PAG1: variants seen among roughly 807,000 people sequenced by gnomAD.
The protein encoded by PAG1 is phosphoprotein membrane anchor with glycosphingolipid microdomains 1, also known as phosphoprotein associated with glycosphingolipid-enriched microdomains 1.
Under a neutral mutation model 31.7 loss-of-function variants are expected in PAG1, and 23 were observed. That is an observed-to-expected ratio of 0.73 (90% confidence interval 0.52 to 1.03). PAG1 has a LOEUF of 1.03. PAG1 is among the 50% of genes least tolerant of loss of function. The pLI, the probability that PAG1 is intolerant of heterozygous loss-of-function variation, is 0.00. For synonymous variants in PAG1, 214 were observed against 210.3 expected, an observed-to-expected ratio of 1.02 and a Z score of -0.15; for missense variants, 473 against 540.7, an observed-to-expected ratio of 0.87 and a Z score of 1.24.
chr8:81,042,161 G>A (rs2130839326), intron 2 of PAG1, among the ~76,000 whole-genome samples: 1 of 152,248 alleles, frequency 6.6e-6, no homozygotes, highest in East Asian at 1.9e-4. Flanking sequence ...AATCCATGGG[G>A]TACCAACTAT....
chr8:81,100,798 G>T (rs1329354120), intron 1 of PAG1, among the ~76,000 whole-genome samples: 1 of 152,246 alleles, frequency 6.6e-6, no homozygotes, highest in Non-Finnish European at 1.5e-5. Flanking sequence ...CATTCTCCAT[G>T]TAACTGTGGA....
intron 1 of PAG1, among the ~76,000 whole-genome samples, chr8:81,083,061 A>C (rs1809294883): frequency 6.6e-6 from 1 of 151,722 alleles, no homozygotes; most frequent in Non-Finnish European, 1.5e-5. Context: ...TTCCTCTGTT[A>C]CCACTCCCAG....
rs568751765 is a variant in PAG1 at position 81,059,194 on chromosome 8, T to C, written c.-175+10918A>G. 6.6e-5 allele frequency among the ~76,000 whole-genome samples: 10 copies of C among 152,276 alleles called. No homozygotes were observed. In the East Asian group the frequency reaches 1.3e-3, roughly 21 times the overall value. Reference sequence around the variant, plus strand: ...AATACTTAATACATTGTAAATGCTATGTAAGTAGTTGATATACTGCATTGT... The same window carrying C: ...AATACTTAATACATTGTAAATGCTACGTAAGTAGTTGATATACTGCATTGT... On this transcript the variant is annotated intron_variant, in intron 2 of 8. Transcript: ENST00000220597.
intron 3 of PAG1, among the ~76,000 whole-genome samples, chr8:81,028,796 A>G (rs1808328258): frequency 2.0e-5 from 3 of 152,220 alleles, no homozygotes; most frequent in East Asian, 1.9e-4. Context: ...GTGAACAAAC[A>G]ATGTCCTCTC....
chr8:81,078,385 T>G (rs995476255), intron 1 of PAG1, among the ~76,000 whole-genome samples: 2 of 152,176 alleles, frequency 1.3e-5, no homozygotes, highest in Admixed American at 1.3e-4. Context: ...CAAAATACCT[T>G]CCTAACATAT....
In PAG1 at chr8:80,987,418, C is replaced by A. The variant is rs200385171; in HGVS notation, c.226G>T (p.Asp76Tyr). The change falls in exon 6 of 9, where the codon GAT becomes TAT. Residue 76 changes from aspartate to tyrosine, a missense_variant. Transcript: ENST00000220597. The stretch of plus-strand genomic sequence containing the variant: ...TTCTGCTCACTGCTGGCAGGAGCAT[C>A]TGTTGCCAGGCTAGTAACTGAACGG... ...FSRSVTSLAT[D>Y]APASSEQNGA... 66 of 1,614,052 alleles carry A rather than the reference C, an allele frequency of 4.1e-5. No individual in the cohort carries two copies. The highest frequency in any genetic ancestry group is 5.4e-5 in the Non-Finnish European group (64 of 1,179,914).
At position 81,073,532 on chromosome 8, in the gene PAG1, G is replaced by A. The variant is rs543835704; in HGVS notation, c.-233-3362C>T. Among the ~76,000 whole-genome samples, 3 of 152,276 alleles carry A rather than the reference G, an allele frequency of 2.0e-5. No homozygotes were observed. In the East Asian group the frequency reaches 5.8e-4, roughly 29 times the overall value. On this transcript the variant is annotated intron_variant, in intron 1 of 8. Coordinates refer to ENST00000220597, the MANE Select transcript of PAG1 (RefSeq NM_018440.4). ...TTAGCCTTGTCTATTCAAAAAGACC[G>A]GGAGTGGCTTTTTAAATACATGTGT...
At chr8:81,100,473 G>C (rs1452358626) in intron 1 of PAG1, among the ~76,000 whole-genome samples, 2 of 152,176 alleles carry the variant, frequency 1.3e-5, no homozygotes, top group South Asian at 4.1e-4. Flanking sequence ...GTGCATTGTG[G>C]AATGTATAGC....
chr8:81,063,354 C>T (rs1420813285), intron 2 of PAG1, among the ~76,000 whole-genome samples: 2 of 152,156 alleles, frequency 1.3e-5, no homozygotes, highest in Admixed American at 6.5e-5. Context: ...AAGGCAGCCA[C>T]AGCTTCATTA....
chr8:80,989,860 G>A (rs550397163), intron 5 of PAG1, among the ~76,000 whole-genome samples: 1 of 152,250 alleles, frequency 6.6e-6, no homozygotes, highest in African/African-American at 2.4e-5. Context: ...GTGGGTGGAG[G>A]TCCAGGCCAC....
Position 81,112,001 on chromosome 8 carries a change from G to A in PAG1, c.-644C>T, listed in dbSNP as rs934642087. 3.1e-4 allele frequency: 47 copies of A among 152,210 alleles called. No individual in the cohort carries two copies. Among genetic ancestry groups the A allele is most frequent in the African/African-American group, 1.1e-3 (44 of 41,450 alleles). 9.4% of individuals were successfully genotyped at this position (152,210 alleles called of 1,614,324 possible). ...GCCCCCAGTCGGCTGGTCACATCGC[G>A]GGCGCGCAGACGGACAAGCGAGCGG... On this transcript the variant is annotated 5_prime_UTR_variant, in exon 1 of 9. Transcript: ENST00000220597.
chr8:81,100,377 T>A (rs1193436966), intron 1 of PAG1, among the ~76,000 whole-genome samples: 1 of 152,198 alleles, frequency 6.6e-6, no homozygotes, highest in African/African-American at 2.4e-5. Context: ...TAAACAGACA[T>A]CCCCTACCTT....
chr8:81,109,154 T>C (rs966843517), intron 1 of PAG1, among the ~76,000 whole-genome samples: 1 of 152,240 alleles, frequency 6.6e-6, no homozygotes, highest in Non-Finnish European at 1.5e-5. Context: ...TTGAAAGACC[T>C]GGCACCTCTA....
chr8:81,016,514 A>C (rs1808075372), intron 3 of PAG1, among the ~76,000 whole-genome samples: 1 of 152,176 alleles, frequency 6.6e-6, no homozygotes, highest in Non-Finnish European at 1.5e-5. Context: ...TCACTAATGA[A>C]AGCACAATTT....
chr8:80,980,373 T>G (rs569628717), intron 8 of PAG1, 62 bp downstream of exon 8: 1 of 889,044 alleles, frequency 1.1e-6, no homozygotes, highest in Non-Finnish European at 1.9e-6. Flanking sequence ...GTGCATTTAT[T>G]CAAGGGGGGA....
At chr8:81,059,127 C>T (rs1447884146) in intron 2 of PAG1, among the ~76,000 whole-genome samples, 1 of 152,044 alleles carries the variant, frequency 6.6e-6, no homozygotes, top group Non-Finnish European at 1.5e-5. Flanking sequence ...ATAAACTATA[C>T]ACATCCTCCC....
At chr8:81,016,138 A>G (rs778702895) in intron 3 of PAG1, among the ~76,000 whole-genome samples, 3 of 152,224 alleles carry the variant, frequency 2.0e-5, no homozygotes, top group Non-Finnish European at 2.9e-5. Context: ...CATGAGCCCA[A>G]CTGAGACCAG....
At chr8:81,092,167 A>G (rs1211690850) in intron 1 of PAG1, among the ~76,000 whole-genome samples, 1 of 146,446 alleles carries the variant, frequency 6.8e-6, no homozygotes, top group African/African-American at 2.5e-5. Context: ...AGCCTGAGCA[A>G]CATGGCAAAA....
rs1807324607 is a variant in PAG1, at chr8:80,982,329, C to CT, written c.877-1836dup. ...AGGGCACCAATGAGACTCGCCTTCC[C>CT]TGACCTACCCGCTGCATTTGGCAGA... On this transcript the variant is annotated intron_variant, in intron 7 of 8. Coordinates refer to ENST00000220597, the MANE Select transcript of PAG1 (RefSeq NM_018440.4). Among the ~76,000 whole-genome samples, 3 of 152,226 alleles carry CT rather than the reference C, an allele frequency of 2.0e-5. No homozygotes were observed. In the South Asian group the frequency reaches 6.2e-4, roughly 32 times the overall value.
Sources: allele counts gnomAD v4.1 joint callset (sites outside exome capture counted in the v4.1 genomes callset), GRCh38; gene constraint gnomAD v4.1.1; transcripts MANE v1.5; gene names NCBI Gene and HGNC (gene_info 2026-07-23, HGNC 2026-07-21).